The following LRBA variants were observed in gnomAD, a reference collection of about 807,000 sequenced individuals.
LRBA encodes lipopolysaccharide-responsive and beige-like anchor protein.
LRBA carries 176 observed loss-of-function variants against 330.0 expected under a neutral mutation model. That is an observed-to-expected ratio of 0.53 (90% CI 0.47 to 0.60). The LOEUF (loss-of-function observed/expected upper bound fraction) is 0.60. LRBA is among the 20% of genes least tolerant of loss of function. The pLI is 0.00. For synonymous variants in LRBA, 1,230 were observed against 1,193.0 expected, an observed-to-expected ratio of 1.03 and a Z score of -0.64; for missense variants, 3,259 against 3,444.8, an observed-to-expected ratio of 0.95 and a Z score of 1.35.
chr4:150,701,071 T>C (rs1785073864), intron 36 of LRBA, among the ~76,000 whole-genome samples: 1 of 152,196 alleles, frequency 6.6e-6, no homozygotes, highest in Non-Finnish European at 1.5e-5. Context: ...GTTTCAAATT[T>C]CATTTTTTCA....
intron 47 of LRBA, among the ~76,000 whole-genome samples, chr4:150,366,821 T>G (rs757513394): frequency 4.6e-5 from 7 of 152,182 alleles, no homozygotes; most frequent in Non-Finnish European, 1.0e-4. Context: ...CTGATGGTCC[T>G]CCAGTAGAAA....
At chr4:150,364,511 A>T (rs1739162792) in intron 47 of LRBA, among the ~76,000 whole-genome samples, 1 of 152,200 alleles carries the variant, frequency 6.6e-6, no homozygotes, top group Non-Finnish European at 1.5e-5. Flanking sequence ...TTTTGAACCA[A>T]AGCTGCAATA....
chr4:150,293,657 C>T (rs1231083868), intron 53 of LRBA, among the ~76,000 whole-genome samples: 1 of 152,180 alleles, frequency 6.6e-6, no homozygotes, highest in Non-Finnish European at 1.5e-5. Flanking sequence ...CATTTCTCCT[C>T]TTCTCTCTAT....
intron 31 of LRBA, among the ~76,000 whole-genome samples, chr4:150,814,350 T>C (rs929596342): frequency 6.6e-6 from 1 of 152,010 alleles, no homozygotes; most frequent in African/African-American, 2.4e-5. Flanking sequence ...GCAAGTATAG[T>C]AGGCAAAAGC....
At position 150,900,141 on chromosome 4, in the gene LRBA, A is replaced by C; in HGVS notation, c.1832T>G (p.Val611Gly). ...TVNIYNTIRR[V>G]GTVLLIMHTL... The stretch of plus-strand genomic sequence containing the variant: ...GTGCATGATGAGAAGCACTGTTCCA[A>C]CTCTCCGAATGGTGTTATATATGTT... Residue 611 changes from valine (V) to glycine (G), a missense_variant, in exon 14 of 57, where the codon GTT becomes GGT. Coordinates refer to ENST00000651943, the MANE Select transcript of LRBA (RefSeq NM_001364905.1). 6.2e-7 allele frequency: 1 copy of C among 1,612,896 alleles called. No homozygotes were observed. The highest frequency in any genetic ancestry group is 8.5e-7 in the Non-Finnish European group (1 of 1,179,064).
At chr4:150,271,837 GA>G (rs1023088458) in intron 56 of LRBA, among the ~76,000 whole-genome samples, 1 of 151,896 alleles carries the variant, frequency 6.6e-6, no homozygotes, top group East Asian at 1.9e-4. Context: ...GGGCATCTCT[GA>G]AAAAAAAGGC....
intron 40 of LRBA, among the ~76,000 whole-genome samples, chr4:150,504,787 G>T (rs1760819705): frequency 6.6e-6 from 1 of 151,974 alleles, no homozygotes. Context: ...TGGCAAATTG[G>T]ATAAAGAGTC....
rs866501771 is a variant in LRBA at position 150,953,384 on chromosome 4, C to A, written c.217-24319G>T. Among the ~76,000 whole-genome samples the A allele has an allele frequency of 1.2e-4, 18 of 148,124 alleles. No individual in the cohort carries two copies. The South Asian group carries it at 3.7e-3, about 30-fold the overall frequency. On this transcript the variant is annotated intron_variant, in intron 2 of 56. Coordinates refer to ENST00000651943, the MANE Select transcript of LRBA (RefSeq NM_001364905.1). ...CTCTCCCTCCCCCTCCCCCTCCCCC[C>A]CCTCTTTGCACGGTCTCCCTCTGAT... is the stretch of plus-strand genomic sequence containing the variant.
chr4:150,819,875 T>TA, intron 30 of LRBA, among the ~76,000 whole-genome samples: 1 of 152,212 alleles, frequency 6.6e-6, no homozygotes, highest in Middle Eastern at 3.4e-3. Flanking sequence ...ATCTTTCACC[T>TA]ATTGTCAGGA....
At chr4:150,400,540 T>C (rs1395324734) in intron 47 of LRBA, among the ~76,000 whole-genome samples, 3 of 152,016 alleles carry the variant, frequency 2.0e-5, no homozygotes, top group Non-Finnish European at 4.4e-5. Flanking sequence ...CAAGAGGATA[T>C]CATAAAAAGA....
chr4:150,442,963 T>C (rs1752026693), intron 44 of LRBA, among the ~76,000 whole-genome samples: 1 of 152,210 alleles, frequency 6.6e-6, no homozygotes, highest in Admixed American at 6.5e-5. Context: ...TGCCATTTTA[T>C]CTGATGACAA....
chr4:150,735,610 G>A (rs546619339), intron 35 of LRBA, among the ~76,000 whole-genome samples: 17 of 152,120 alleles, frequency 1.1e-4, no homozygotes, highest in Admixed American at 2.6e-4. Flanking sequence ...AAAAATACTG[G>A]ATTAAAGTTG....
chr4:150,870,221 G>A (rs549354964), intron 20 of LRBA, among the ~76,000 whole-genome samples: 1 of 152,252 alleles, frequency 6.6e-6, no homozygotes, highest in Non-Finnish European at 1.5e-5. Flanking sequence ...AATGGTTCTT[G>A]TAATTCTGCC....
rs1732751407 is a variant in LRBA at position 150,323,020 on chromosome 4, TG to T, written c.7453-1653del. 8.9e-5 allele frequency among the ~76,000 whole-genome samples: 13 copies of T among 145,272 alleles called. 2 individuals are homozygous for T. Among genetic ancestry groups the T allele is most frequent in the African/African-American group, 2.6e-4 (10 of 39,040 alleles). On this transcript the variant is annotated intron_variant, in intron 49 of 56. Transcript: ENST00000651943. Reference sequence around the variant, plus strand: ...CTGTGTGTGTGTGTGTGTGTGTGTGTGTGTGGGGATGCATTGATGGTTGATG... The same window carrying T: ...CTGTGTGTGTGTGTGTGTGTGTGTGTTGTGGGGATGCATTGATGGTTGATG...
chr4:150,752,936 G>A (rs1223517040), intron 35 of LRBA, among the ~76,000 whole-genome samples: 1 of 152,116 alleles, frequency 6.6e-6, no homozygotes, highest in African/African-American at 2.4e-5. Context: ...ATGTAGAAAA[G>A]CAAAAATATA....
At chr4:150,899,141 C>G (rs1411664524) in intron 14 of LRBA, among the ~76,000 whole-genome samples, 1 of 152,106 alleles carries the variant, frequency 6.6e-6, no homozygotes, top group African/African-American at 2.4e-5. Flanking sequence ...CATTTCTAAG[C>G]AATCAGGGCA....
rs554422316 is a variant in LRBA, at chr4:150,872,873, T to A, written c.2166-118A>T. On this transcript the variant is annotated intron_variant, in intron 17 of 56. Coordinates refer to ENST00000651943, the MANE Select transcript of LRBA (RefSeq NM_001364905.1). ...ATTTCAAATAATATGGAAGGAAATT[T>A]AATATAGATTTCTGTATATAAAAAA... The A allele has an allele frequency of 8.7e-4, 422 of 484,020 alleles. 8 individuals carry two copies. The South Asian group carries it at 0.014, about 16-fold the overall frequency. 30.0% of individuals were successfully genotyped at this position (484,020 alleles called of 1,614,324 possible).
In LRBA at chr4:150,871,396, G is replaced by A. The variant is rs1753424969; in HGVS notation, c.2316C>T (p.Leu772=). The A allele has an allele frequency of 7.4e-6, 12 of 1,612,690 alleles. No homozygotes were observed. In the East Asian group the frequency reaches 2.5e-4, roughly 33 times the overall value. ...HGLFSLLAER[L]MLQTNLITMT... ...TTGTGATTAAATTTGTCTGAAGCAT[G>A]AGCCTTTCAGCTAGCAATGAAAACA... The change falls in exon 19 of 57, where the codon CTC becomes CTT. Residue 772 remains leucine, a synonymous_variant. Coordinates refer to ENST00000651943, the MANE Select transcript of LRBA (RefSeq NM_001364905.1).
intron 40 of LRBA, among the ~76,000 whole-genome samples, chr4:150,554,274 G>C (rs564922376): frequency 5.3e-5 from 8 of 152,232 alleles, no homozygotes; most frequent in African/African-American, 1.4e-4. Context: ...AAATTAAACA[G>C]AGTCCCTCAA....
Sources: allele counts gnomAD v4.1 joint callset (sites outside exome capture counted in the v4.1 genomes callset), GRCh38; gene constraint gnomAD v4.1.1; transcripts MANE v1.5; gene names NCBI Gene and HGNC (gene_info 2026-07-23, HGNC 2026-07-21).